KCNIP4: variants seen among roughly 807,000 people sequenced by gnomAD.
KCNIP4 encodes the protein potassium voltage-gated channel interacting protein 4.
KCNIP4 carries 12 observed loss-of-function variants against 34.0 expected under a neutral mutation model. The observed-to-expected ratio is 0.35, with a 90% CI of 0.23 to 0.57. The LOEUF (loss-of-function observed/expected upper bound fraction) is 0.57, where lower values mean the gene tolerates loss of function less well. Among genes scored for constraint, KCNIP4 ranks in the 20% least tolerant of loss-of-function variants. The pLI is 0.83. For synonymous variants in KCNIP4, 124 were observed against 102.2 expected, an observed-to-expected ratio of 1.21 and a Z score of -1.29; for missense variants, 238 against 311.7, an observed-to-expected ratio of 0.76 and a Z score of 1.78.
intron 1 of KCNIP4, among the ~76,000 whole-genome samples, chr4:21,291,850 CCT>C (rs1763487619): frequency 3.4e-5 from 2 of 58,682 alleles, no homozygotes; most frequent in African/African-American, 9.7e-5. Flanking sequence ...TTAGACTCCG[CCT>C]CAAAAAAAAA....
intron 1 of KCNIP4, among the ~76,000 whole-genome samples, chr4:21,055,769 G>A (rs1042208176): frequency 7.9e-5 from 12 of 152,162 alleles, no homozygotes; most frequent in African/African-American, 2.7e-4. Context: ...ATGATAAGTG[G>A]CTACCAAGGG....
At chr4:21,031,564 G>T (rs1012441348) in intron 1 of KCNIP4, among the ~76,000 whole-genome samples, 1 of 152,150 alleles carries the variant, frequency 6.6e-6, no homozygotes, top group African/African-American at 2.4e-5. Context: ...GGTGAATTTT[G>T]ATCTAAGGGA....
chr4:20,999,517 T>C (rs1320979967), intron 1 of KCNIP4, among the ~76,000 whole-genome samples: 1 of 149,412 alleles, frequency 6.7e-6, no homozygotes, highest in Non-Finnish European at 1.5e-5. Context: ...GCATCAAATG[T>C]GTCCTTCAGA....
At chr4:21,459,655 T>C (rs146004327) in intron 1 of KCNIP4, among the ~76,000 whole-genome samples, 171 of 152,174 alleles carry the variant, frequency 1.1e-3, no homozygotes, top group Non-Finnish European at 2.0e-3. Context: ...GCTCCCGATA[T>C]TTCTTACTCC....
At chr4:21,893,434 T>C (rs1431590436) in intron 1 of KCNIP4, among the ~76,000 whole-genome samples, 3 of 152,198 alleles carry the variant, frequency 2.0e-5, no homozygotes, top group Non-Finnish European at 4.4e-5. Context: ...CTTGGACTTA[T>C]AAAATTGCTA....
chr4:21,190,849 A>G, intron 1 of KCNIP4, among the ~76,000 whole-genome samples: 1 of 152,126 alleles, frequency 6.6e-6, no homozygotes, highest in East Asian at 1.9e-4. Context: ...CTGCTCTGAC[A>G]CTCTGCTCCC....
chr4:21,714,716 G>A (rs1460719582), intron 1 of KCNIP4, among the ~76,000 whole-genome samples: 1 of 151,966 alleles, frequency 6.6e-6, no homozygotes, highest in Non-Finnish European at 1.5e-5. Context: ...ATTGAGAACA[G>A]CCTGGCCTAC....
At chr4:21,255,955 C>G (rs191902876) in intron 1 of KCNIP4, among the ~76,000 whole-genome samples, 1 of 152,102 alleles carries the variant, frequency 6.6e-6, no homozygotes, top group East Asian at 1.9e-4. Context: ...AACAGTGAAC[C>G]AGTCTGAATA....
intron 5 of KCNIP4, among the ~76,000 whole-genome samples, chr4:20,736,579 ACTT>A (rs1331135164): frequency 6.6e-6 from 1 of 152,062 alleles, no homozygotes; most frequent in East Asian, 1.9e-4. Flanking sequence ...TTATATGTTT[ACTT>A]TTTTCTAATT....
intron 1 of KCNIP4, among the ~76,000 whole-genome samples, chr4:21,384,293 CT>C (rs1721812839): frequency 6.6e-6 from 1 of 152,118 alleles, no homozygotes. Flanking sequence ...ATCTCTCTTT[CT>C]ACCCAAACTA....
Position 21,134,173 on chromosome 4 carries a change from T to A in KCNIP4, c.62-251464A>T, listed in dbSNP as rs1751320261. On this transcript the variant is annotated intron_variant, in intron 1 of 8. Coordinates refer to ENST00000382152, the MANE Select transcript of KCNIP4 (RefSeq NM_025221.6). Reference sequence around the variant, plus strand: ...GACCCAGGTCCAATTATTTGTGGATTTTTTCCACCTCTGCCACCCCTGAGA... The same window carrying A: ...GACCCAGGTCCAATTATTTGTGGATATTTTCCACCTCTGCCACCCCTGAGA... 2.0e-5 allele frequency among the ~76,000 whole-genome samples: 3 copies of A among 152,134 alleles called. No homozygotes were observed. The South Asian group carries it at 6.2e-4, about 32-fold the overall frequency.
chr4:21,300,780 T>C (rs1417356079), intron 1 of KCNIP4, among the ~76,000 whole-genome samples: 2 of 152,128 alleles, frequency 1.3e-5, no homozygotes, highest in Non-Finnish European at 2.9e-5. Flanking sequence ...AATTCCAAAA[T>C]AGGCCGCTGA....
At chr4:21,745,315 G>A (rs554185837) in intron 1 of KCNIP4, among the ~76,000 whole-genome samples, 2 of 152,216 alleles carry the variant, frequency 1.3e-5, no homozygotes, top group African/African-American at 2.4e-5. Context: ...TTTCAAAGAC[G>A]TTTAGCAGAT....
At chr4:20,763,571 C>T (rs1169013586) in intron 3 of KCNIP4, among the ~76,000 whole-genome samples, 3 of 151,940 alleles carry the variant, frequency 2.0e-5, no homozygotes, top group Non-Finnish European at 2.9e-5. Context: ...ATGTGTCTAC[C>T]CCAAACAAAA....
At chr4:21,674,076 TAAAA>T (rs1254732247) in intron 1 of KCNIP4, among the ~76,000 whole-genome samples, 1 of 152,262 alleles carries the variant, frequency 6.6e-6, no homozygotes, top group East Asian at 1.9e-4. Context: ...GCGTTAGCTT[TAAAA>T]ATGTTAAAAA....
At chr4:21,284,102 A>G (rs36091140) in intron 1 of KCNIP4, among the ~76,000 whole-genome samples, 52,206 of 151,506 alleles carry the variant, frequency 0.34, 9,422 homozygotes, top group South Asian at 0.55. Flanking sequence ...AGTCCCAGCT[A>G]CTTGGGAGGC....
intron 1 of KCNIP4, among the ~76,000 whole-genome samples, chr4:20,900,109 A>G (rs1727005601): frequency 6.6e-6 from 1 of 152,182 alleles, no homozygotes; most frequent in Admixed American, 6.5e-5. Context: ...TCCTGTGCCT[A>G]AGTCTGTCAT....
intron 1 of KCNIP4, among the ~76,000 whole-genome samples, chr4:21,945,313 G>T (rs1206297556): frequency 6.6e-6 from 1 of 152,122 alleles, no homozygotes; most frequent in Non-Finnish European, 1.5e-5. Context: ...TTCAGGCCTG[G>T]GGAGAGAGGG....
At chr4:21,798,876 T>G (rs918215927) in intron 1 of KCNIP4, among the ~76,000 whole-genome samples, 1 of 152,122 alleles carries the variant, frequency 6.6e-6, no homozygotes, top group African/African-American at 2.4e-5. Context: ...ACTAATATAT[T>G]TGGCTTATAT....
Sources: gnomAD v4.1 joint callset for allele counts (sites outside exome capture counted in the v4.1 genomes callset) on GRCh38, gnomAD v4.1.1 for gene constraint, MANE v1.5 for transcripts, NCBI Gene and HGNC (gene_info 2026-07-23, HGNC 2026-07-21) for gene names.